Variants in DNM2 observed in about 807,000 individuals in gnomAD.
DNM2 encodes the protein dynamin 2, also known as dynamin-2.
In DNM2, 15 loss-of-function variants were observed where a neutral mutation model predicts 99.0. The ratio of observed to expected loss-of-function variants is 0.15; its 90% CI spans 0.10 to 0.23. The LOEUF (loss-of-function observed/expected upper bound fraction) is 0.23. DNM2 is among the 10% of genes least tolerant of loss of function. The probability of loss-of-function intolerance (pLI) is 1.00; values close to 1 mark genes in which losing one functional copy is unlikely to be tolerated. For synonymous variants in DNM2, 525 were observed against 481.2 expected (o/e 1.09, Z -1.19); for missense variants, 742 against 1,189.4 (o/e 0.62, Z 5.53).
chr19:10,742,259 G>A (rs1337771960), intron 1 of DNM2, among the ~76,000 whole-genome samples: 1 of 152,170 alleles, frequency 6.6e-6, no homozygotes, highest in African/African-American at 2.4e-5. Context: ...TGGATTTAGA[G>A]TGATGTTGCC....
chr19:10,738,475 A>T (rs1253030509), intron 1 of DNM2, among the ~76,000 whole-genome samples: 1 of 151,548 alleles, frequency 6.6e-6, no homozygotes, highest in Admixed American at 6.6e-5. Context: ...AAACAAAAAA[A>T]ACAGGGGAGG....
At chr19:10,784,710 C>T (rs190131111) in intron 6 of DNM2, among the ~76,000 whole-genome samples, 5 of 152,150 alleles carry the variant, frequency 3.3e-5, no homozygotes, top group African/African-American at 7.2e-5. Context: ...CCCTTGGTCA[C>T]GGAGGTCTTT....
intron 2 of DNM2, among the ~76,000 whole-genome samples, chr19:10,760,420 C>T (rs2070581467): frequency 6.6e-6 from 1 of 152,056 alleles, no homozygotes; most frequent in South Asian, 2.1e-4. Flanking sequence ...GGTGACACAT[C>T]CATCCTTCAC....
intron 1 of DNM2, among the ~76,000 whole-genome samples, chr19:10,730,159 C>T (rs1023465186): frequency 2.6e-5 from 4 of 152,176 alleles, no homozygotes; most frequent in South Asian, 2.1e-4. Flanking sequence ...CCACCTCTCC[C>T]AGCCACGTGC....
intron 1 of DNM2, among the ~76,000 whole-genome samples, chr19:10,736,272 A>G (rs2069522222): frequency 6.6e-6 from 1 of 151,644 alleles, no homozygotes; most frequent in Admixed American, 6.6e-5. Flanking sequence ...CTCAAAAAAA[A>G]AAAAAAAGAA....
At chr19:10,742,217 C>A (rs1048636057) in intron 1 of DNM2, among the ~76,000 whole-genome samples, 3 of 152,076 alleles carry the variant, frequency 2.0e-5, no homozygotes, top group African/African-American at 7.2e-5. Context: ...AGGGTGGATA[C>A]CCTGCAAGGG....
intron 6 of DNM2, 136 bp from the exon 7 acceptor site, chr19:10,786,428 T>C (rs1327513870): frequency 1.5e-6 from 2 of 1,341,816 alleles, no homozygotes; most frequent in East Asian, 4.7e-5. Context: ...TATCTGTTGC[T>C]GTCTCTCAAG....
In DNM2 at chr19:10,744,577, C is replaced by T. The variant is rs549587908; in HGVS notation, c.162-15161C>T. ...TGTGGAATGCAGACTGTGGGTGGTG[C>T]CCGGCTGCCTGCCTCTAGTTCACTT... On this transcript the variant is annotated intron_variant, in intron 1 of 20. Transcript: ENST00000389253. 7.2e-5 allele frequency among the ~76,000 whole-genome samples: 11 copies of T among 152,164 alleles called. No individual in the cohort carries two copies. In the South Asian group the frequency reaches 1.2e-3, roughly 17 times the overall value.
intron 1 of DNM2, among the ~76,000 whole-genome samples, chr19:10,734,456 A>G (rs906629357): frequency 6.6e-5 from 10 of 151,070 alleles, no homozygotes; most frequent in Non-Finnish European, 1.2e-4. Flanking sequence ...CCTGGGCAAT[A>G]TAGTGAGACC....
rs368808249 is a variant in DNM2 at position 10,734,216 on chromosome 19, A to G, written c.161+15813A>G. ...CAAAAAATTGAGTGTGGTGGTATAC[A>G]CCTGTAGTCCCAGCCACTCGGGAGG... On this transcript the variant is annotated intron_variant, in intron 1 of 20. Transcript: ENST00000389253. 6.8e-5 allele frequency among the ~76,000 whole-genome samples: 10 copies of G among 147,930 alleles called. No homozygotes were observed. The East Asian group carries it at 1.2e-3, about 18-fold the overall frequency.
intron 7 of DNM2, among the ~76,000 whole-genome samples, chr19:10,793,032 C>T (rs1046739248): frequency 2.0e-5 from 3 of 152,100 alleles, no homozygotes; most frequent in Admixed American, 6.6e-5. Flanking sequence ...CATGAGCCAC[C>T]GCACCCGGCC....
chr19:10,762,406 C>T (rs945978323), intron 2 of DNM2, among the ~76,000 whole-genome samples: 1 of 152,168 alleles, frequency 6.6e-6, no homozygotes, highest in Non-Finnish European at 1.5e-5. Flanking sequence ...GGAGAGCCTG[C>T]CCTGCTTGGT....
Position 10,775,559 on chromosome 19 carries a change from G to GGT in DNM2, c.386-140_386-139dup, listed in dbSNP as rs1252979560. On this transcript the variant is annotated intron_variant, in intron 3 of 20. Transcript: ENST00000389253. This position sits in a 1 kb window ranked among gnomAD's most constrained non-coding sequence, Gnocchi z 4.3. Reference sequence around the variant, plus strand: ...CTAGAAGGGGAGTTACTGGATCAAAGGTGTGGTTCAGGCAGAGTGTCAGGC... The same window carrying GGT: ...CTAGAAGGGGAGTTACTGGATCAAAGGTGTGTGGTTCAGGCAGAGTGTCAGGC... 2 of 874,086 alleles carry GGT rather than the reference G, an allele frequency of 2.3e-6. No individual in the cohort carries two copies. The highest frequency in any genetic ancestry group is 3.3e-5 in the African/African-American group (2 of 61,008). The allele number at this position is 874,086 out of a possible 1,614,324, so 54.1% of individuals were successfully genotyped here.
intron 2 of DNM2, among the ~76,000 whole-genome samples, chr19:10,761,238 C>T (rs549562535): frequency 4.6e-5 from 7 of 152,210 alleles, no homozygotes; most frequent in African/African-American, 1.2e-4. Flanking sequence ...CCGCCCACTT[C>T]GGCCTCCCAA....
intron 4 of DNM2, among the ~76,000 whole-genome samples, chr19:10,776,530 A>C (rs981117031): frequency 6.6e-6 from 1 of 152,202 alleles, no homozygotes; most frequent in South Asian, 2.1e-4. Flanking sequence ...TCTCATGCAC[A>C]TGCCACACAT....
chr19:10,783,702 A>T (rs79430416), intron 6 of DNM2, among the ~76,000 whole-genome samples: 62,086 of 142,058 alleles, frequency 0.44, 14,019 homozygotes, highest in East Asian at 0.59. Flanking sequence ...TATTATTATT[A>T]TTATTTTTTA....
chr19:10,758,197 G>GACA (rs1276899451), intron 1 of DNM2, among the ~76,000 whole-genome samples: 5 of 151,970 alleles, frequency 3.3e-5, no homozygotes, highest in African/African-American at 1.2e-4. Context: ...TTCTGGGGTG[G>GACA]TTGTGCCTGA....
intron 1 of DNM2, among the ~76,000 whole-genome samples, chr19:10,723,010 A>T (rs2068989156): frequency 6.7e-6 from 1 of 150,212 alleles, no homozygotes; most frequent in African/African-American, 2.5e-5. Context: ...TCTGTTGCCC[A>T]GGCTGGAGTG....
chr19:10,778,280 G>A (rs540369364), intron 5 of DNM2, among the ~76,000 whole-genome samples: 22 of 151,748 alleles, frequency 1.4e-4, no homozygotes, highest in African/African-American at 5.1e-4. Context: ...TGATCCACCC[G>A]CCTCGGCCTC....
Sources: gnomAD v4.1 joint callset for allele counts (sites outside exome capture counted in the v4.1 genomes callset) on GRCh38, gnomAD v4.1.1 for gene constraint, Gnocchi (gnomAD v3.1) non-coding constraint, MANE v1.5 for transcripts, NCBI Gene and HGNC (gene_info 2026-07-23, HGNC 2026-07-21) for gene names.